The following CFAP54 variants were observed in gnomAD, a reference collection of about 807,000 sequenced individuals.
CFAP54 encodes the protein cilia- and flagella-associated protein 54.
Under a neutral mutation model 370.4 loss-of-function variants are expected in CFAP54, and 290 were observed. That is an observed-to-expected ratio of 0.78 (90% CI 0.71 to 0.86). The LOEUF (loss-of-function observed/expected upper bound fraction) is 0.86. CFAP54 is among the 40% of genes least tolerant of loss of function. The pLI, the probability that CFAP54 is intolerant of heterozygous loss-of-function variation, is 0.00. For missense variants in CFAP54, 3,399 were observed against 3,528.7 expected (o/e 0.96, Z 0.93); for synonymous variants, 1,206 against 1,236.5 (o/e 0.98, Z 0.52).
intron 19 of CFAP54, among the ~76,000 whole-genome samples, chr12:96,575,862 T>C (rs1955970111): frequency 1.3e-5 from 2 of 152,116 alleles, no homozygotes; most frequent in South Asian, 4.1e-4. Flanking sequence ...ACTTTAATTT[T>C]AATCTTTACA....
At chr12:96,525,942 C>T (rs190794046) in intron 8 of CFAP54, among the ~76,000 whole-genome samples, 109 of 152,318 alleles carry the variant, frequency 7.2e-4, no homozygotes, top group Non-Finnish European at 1.3e-3. Flanking sequence ...ACCCGGCCTC[C>T]CAAAGTGCTG....
intron 64 of CFAP54, among the ~76,000 whole-genome samples, chr12:96,814,183 A>G (rs1958954229): frequency 6.6e-6 from 1 of 152,250 alleles, no homozygotes; most frequent in Non-Finnish European, 1.5e-5. Flanking sequence ...CAAGTATTAT[A>G]AAGGAAAGCT....
chr12:96,633,458 T>C (rs372160008), intron 32 of CFAP54, among the ~76,000 whole-genome samples: 1 of 152,232 alleles, frequency 6.6e-6, no homozygotes, highest in African/African-American at 2.4e-5. Flanking sequence ...ACAGCAAGTT[T>C]GCATGCACAT....
At chr12:96,865,929 A>G (rs1959995247) in intron 67 of CFAP54, among the ~76,000 whole-genome samples, 1 of 152,142 alleles carries the variant, frequency 6.6e-6, no homozygotes, top group Admixed American at 6.5e-5. Flanking sequence ...AAATTTCAAT[A>G]TAAGATAGTA....
At chr12:96,800,932 G>A (rs1958813067) in intron 63 of CFAP54, among the ~76,000 whole-genome samples, 1 of 152,188 alleles carries the variant, frequency 6.6e-6, no homozygotes, top group South Asian at 2.1e-4. Context: ...TGAGCATGGT[G>A]CCATATTGAG....
chr12:96,858,481 G>T (rs377459608), intron 66 of CFAP54, among the ~76,000 whole-genome samples: 1 of 152,160 alleles, frequency 6.6e-6, no homozygotes, highest in East Asian at 1.9e-4. Flanking sequence ...CTATGCAGAA[G>T]CTCTTAAGTT....
intron 66 of CFAP54, among the ~76,000 whole-genome samples, chr12:96,858,538 T>C (rs991219499): frequency 3.7e-4 from 56 of 152,362 alleles, no homozygotes; most frequent in South Asian, 4.1e-4. Context: ...TGATTGTTTT[T>C]AGTGTCTTTG....
chr12:96,627,191 T>C (rs903628466), intron 30 of CFAP54, among the ~76,000 whole-genome samples: 3 of 152,222 alleles, frequency 2.0e-5, no homozygotes, highest in South Asian at 4.1e-4. Context: ...TCTTTTGCTA[T>C]TGAGTCAGGA....
At chr12:96,750,603 A>G (rs748335091) in intron 55 of CFAP54, among the ~76,000 whole-genome samples, 1 of 152,080 alleles carries the variant, frequency 6.6e-6, no homozygotes, top group South Asian at 2.1e-4. Flanking sequence ...CTCTATTTTC[A>G]GTCTACAGTT....
At chr12:96,490,698 T>A (rs1013292351) in intron 1 of CFAP54, among the ~76,000 whole-genome samples, 1 of 142,670 alleles carries the variant, frequency 7.0e-6, no homozygotes, top group Non-Finnish European at 1.5e-5. Flanking sequence ...TCTCAAAAAA[T>A]AATAATAATA....
rs530136287 is a variant in CFAP54 at position 96,679,188 on chromosome 12, A to G, written c.5564-412A>G. 9.9e-5 allele frequency among the ~76,000 whole-genome samples: 15 copies of G among 152,222 alleles called. No individual in the cohort carries two copies. The South Asian group carries it at 2.9e-3, about 30-fold the overall frequency. On this transcript the variant is annotated intron_variant, in intron 39 of 67. Transcript: ENST00000524981. ...TCTTTTCCTTCCCTTCCGAGAGCAG[A>G]TGCCCATCTCCAAGCAACTTTATTT...
intron 57 of CFAP54, among the ~76,000 whole-genome samples, chr12:96,756,817 G>T (rs973186193): frequency 3.3e-5 from 5 of 152,174 alleles, no homozygotes; most frequent in African/African-American, 1.2e-4. Flanking sequence ...GATTTCTGGG[G>T]CCTCCTCAGG....
Position 96,664,805 on chromosome 12 carries a change from A to C in CFAP54, c.5563+873A>C, listed in dbSNP as rs113597640. On this transcript the variant is annotated intron_variant, in intron 39 of 67. Transcript: ENST00000524981. ...TATATATATATATATATATATATAT[A>C]TATATATAGATATATATATGTATAT... is the stretch of plus-strand genomic sequence containing the variant. 3.5e-4 allele frequency among the ~76,000 whole-genome samples: 15 copies of C among 42,596 alleles called. 1 individual carries two copies. Among genetic ancestry groups the C allele is most frequent in the African/African-American group, 1.2e-3 (11 of 8,982 alleles). 27.9% of individuals were successfully genotyped at this position (42,596 alleles called of 152,430 possible).
intron 24 of CFAP54, among the ~76,000 whole-genome samples, chr12:96,593,915 G>A (rs1363208290): frequency 6.6e-6 from 1 of 151,918 alleles, no homozygotes; most frequent in Non-Finnish European, 1.5e-5. Context: ...AAGGAAATGA[G>A]AACCTGTTAA....
At chr12:96,658,411 C>T in intron 38 of CFAP54, 65 bp downstream of exon 38, 1 of 1,543,032 alleles carries the variant, frequency 6.5e-7, no homozygotes, top group South Asian at 1.2e-5. Flanking sequence ...ATATAAAATA[C>T]AAAGATTTAG....
intron 39 of CFAP54, among the ~76,000 whole-genome samples, chr12:96,673,869 C>T (rs1279249593): frequency 6.6e-6 from 1 of 152,210 alleles, no homozygotes; most frequent in African/African-American, 2.4e-5. Context: ...CATTATTTAA[C>T]AGCATCCTAT....
intron 9 of CFAP54, among the ~76,000 whole-genome samples, chr12:96,528,018 T>G (rs1955402697): frequency 6.6e-6 from 1 of 152,180 alleles, no homozygotes; most frequent in Admixed American, 6.5e-5. Context: ...ATCTTTTAAT[T>G]TCTCTTTTCT....
chr12:96,781,997 A>G (rs892235260), intron 60 of CFAP54, among the ~76,000 whole-genome samples: 4 of 152,118 alleles, frequency 2.6e-5, no homozygotes, highest in Non-Finnish European at 4.4e-5. Flanking sequence ...AAGATACATC[A>G]TGTCAAATTG....
intron 26 of CFAP54, among the ~76,000 whole-genome samples, chr12:96,602,458 G>T (rs1956253615): frequency 6.6e-6 from 1 of 152,178 alleles, no homozygotes; most frequent in Non-Finnish European, 1.5e-5. Flanking sequence ...GAGTTCTGTG[G>T]ATGTCTATTA....
Sources: allele counts gnomAD v4.1 joint callset (sites outside exome capture counted in the v4.1 genomes callset), GRCh38; gene constraint gnomAD v4.1.1; transcripts MANE v1.5; gene names NCBI Gene and HGNC (gene_info 2026-07-23, HGNC 2026-07-21).